Variants in NFYB observed in about 807,000 individuals in gnomAD.
NFYB encodes CAAT box DNA-binding protein subunit B.
Under a neutral mutation model 28.0 loss-of-function variants are expected in NFYB, and 13 were observed. That is an observed-to-expected ratio of 0.46 (90% CI 0.30 to 0.74). NFYB has a LOEUF of 0.74. Among genes scored for constraint, NFYB ranks in the 30% least tolerant of loss-of-function variants. The probability of loss-of-function intolerance (pLI) is 0.07; values close to 1 mark genes in which losing one functional copy is unlikely to be tolerated. For synonymous variants in NFYB, 74 were observed against 75.0 expected, an observed-to-expected ratio of 0.99 and a Z score of 0.07; for missense variants, 142 against 247.6, an observed-to-expected ratio of 0.57 and a Z score of 2.86.
At chr12:104,126,874 G>A (rs75992103) in intron 3 of NFYB, among the ~76,000 whole-genome samples, 2,032 of 152,228 alleles carry the variant, frequency 0.013, 18 homozygotes, top group Non-Finnish European at 0.022. Context: ...AAGTTGTCTT[G>A]TCTGTATAAA....
At chr12:104,132,678 C>T (rs1413141505) in intron 2 of NFYB, among the ~76,000 whole-genome samples, 1 of 152,168 alleles carries the variant, frequency 6.6e-6, no homozygotes, top group Non-Finnish European at 1.5e-5. Flanking sequence ...GCTGGAGAGA[C>T]AGACAGCTGT....
At chr12:104,129,922 T>C (rs2030861018) in intron 2 of NFYB, among the ~76,000 whole-genome samples, 2 of 152,004 alleles carry the variant, frequency 1.3e-5, no homozygotes, top group African/African-American at 4.8e-5. Context: ...ATAGGAAAAT[T>C]ACCTGCACAG....
chr12:104,123,167 C>A, intron 5 of NFYB, 59 bp downstream of exon 5: 21 of 1,331,642 alleles, frequency 1.6e-5, no homozygotes, highest in Non-Finnish European at 2.2e-5. Context: ...CAGAGCGATA[C>A]TCCACCTCAA....
intron 4 of NFYB, among the ~76,000 whole-genome samples, chr12:104,125,801 T>C (rs917190465): frequency 6.8e-6 from 1 of 146,150 alleles, no homozygotes; most frequent in Admixed American, 7.1e-5. Context: ...TGAGCGGAGA[T>C]TGTACCATTG....
intron 5 of NFYB, among the ~76,000 whole-genome samples, chr12:104,122,408 T>C (rs766035487): frequency 6.6e-5 from 10 of 152,148 alleles, no homozygotes; most frequent in Non-Finnish European, 1.3e-4. Context: ...GTAATATAAG[T>C]CAGTGATCCC....
At chr12:104,129,306 A>G (rs1385708300) in intron 2 of NFYB, among the ~76,000 whole-genome samples, 1 of 150,204 alleles carries the variant, frequency 6.7e-6, no homozygotes, top group Non-Finnish European at 1.5e-5. Context: ...CTGTCTCTTA[A>G]AAAAAAAAAT....
chr12:104,135,653 T>C (rs1303077811), intron 1 of NFYB, 121 bp from the exon 2 acceptor site: 5 of 422,818 alleles, frequency 1.2e-5, no homozygotes, highest in Non-Finnish European at 2.1e-5. Context: ...TTGACTACTA[T>C]TCTTAATCAA....
chr12:104,133,558 T>G (rs942947840), intron 2 of NFYB, among the ~76,000 whole-genome samples: 1 of 152,202 alleles, frequency 6.6e-6, no homozygotes, highest in African/African-American at 2.4e-5. Flanking sequence ...TAAAGTGATG[T>G]TGCTATGAGG....
intron 3 of NFYB, among the ~76,000 whole-genome samples, chr12:104,128,047 T>C (rs1221743188): frequency 6.6e-6 from 1 of 152,106 alleles, no homozygotes; most frequent in African/African-American, 2.4e-5. Flanking sequence ...CAAAAATAAA[T>C]CATAAGTGCA....
At chr12:104,132,465 A>T (rs1456991352) in intron 2 of NFYB, among the ~76,000 whole-genome samples, 2 of 152,132 alleles carry the variant, frequency 1.3e-5, no homozygotes, top group African/African-American at 4.8e-5. Context: ...GGGAGCACAA[A>T]TAGGCACAGA....
At chr12:104,129,975 T>G (rs764956239) in intron 2 of NFYB, among the ~76,000 whole-genome samples, 3 of 152,242 alleles carry the variant, frequency 2.0e-5, no homozygotes, top group Admixed American at 6.5e-5. Context: ...AAAAGCCTGC[T>G]TAATTAATTT....
rs2030359728 is a variant in NFYB, at chr12:104,118,838, A to G, written c.*899T>C. On this transcript the variant is annotated 3_prime_UTR_variant, in exon 8 of 8. Transcript: ENST00000240055. ...GTGTAACAGGAAACTTGACATTTCA[A>G]TTAAAAAGGTAAAATGAAGACATTT... is the stretch of plus-strand genomic sequence containing the variant. 6.6e-6 allele frequency: 1 copy of G among 152,214 alleles called. No homozygotes were observed. The highest frequency in any genetic ancestry group is 6.5e-5 in the Admixed American group (1 of 15,288). The allele number at this position is 152,214 out of a possible 1,614,324, so 9.4% of individuals were successfully genotyped here.
chr12:104,125,599 A>C (rs1256728541), intron 4 of NFYB, among the ~76,000 whole-genome samples: 1 of 152,130 alleles, frequency 6.6e-6, no homozygotes, highest in Non-Finnish European at 1.5e-5. Flanking sequence ...CTATAATCCC[A>C]GCACTTTGGT....
intron 4 of NFYB, among the ~76,000 whole-genome samples, chr12:104,125,794 G>A (rs1409668481): frequency 6.8e-6 from 1 of 147,818 alleles, no homozygotes; most frequent in Non-Finnish European, 1.5e-5. Flanking sequence ...GTTGCAGTGA[G>A]CGGAGATTGT....
intron 3 of NFYB, 57 bp downstream of exon 3, chr12:104,128,367 G>T: frequency 8.0e-7 from 1 of 1,244,952 alleles, no homozygotes; most frequent in Non-Finnish European, 1.2e-6. Flanking sequence ...TTAATGAAAT[G>T]TCCACTTTCT....
chr12:104,128,484 G>C lies in NFYB; in HGVS notation c.40C>G (p.Gln14Glu). 6.2e-7 allele frequency: 1 copy of C among 1,612,878 alleles called. No individual in the cohort carries two copies. The highest frequency in any genetic ancestry group is 8.5e-7 in the Non-Finnish European group (1 of 1,179,274). ...DGDSSTTDAS[Q>E]LGISADYIGG... ...ATATAGTCTGCAGAGATTCCTAGTT[G>C]AGAAGCATCTGTTGTAGAACTGTCA... Residue 14 changes from glutamine (Q) to glutamate (E), a missense_variant, in exon 3 of 8, where the codon CAA becomes GAA. By Grantham distance (29) the Gln-to-Glu change is conservative. Coordinates refer to ENST00000240055, the MANE Select transcript of NFYB (RefSeq NM_006166.4).
intron 6 of NFYB, 106 bp from the exon 7 acceptor site, chr12:104,120,585 T>A: frequency 1.3e-6 from 1 of 766,488 alleles, no homozygotes; most frequent in Non-Finnish European, 2.2e-6. Flanking sequence ...CTGCCCGGTA[T>A]CAATGATGTA....
At chr12:104,119,885 C>T (rs1336029574) in intron 7 of NFYB, 116 bp from the exon 8 acceptor site, 2 of 650,100 alleles carry the variant, frequency 3.1e-6, no homozygotes, top group African/African-American at 3.6e-5. Flanking sequence ...ATTCCCATTT[C>T]TTGTGTATCT....
rs190123087 is a variant in NFYB at position 104,121,036 on chromosome 12, A to G, written c.511+204T>C. On this transcript the variant is annotated intron_variant, in intron 6 of 7. Coordinates refer to ENST00000240055, the MANE Select transcript of NFYB (RefSeq NM_006166.4). ...GCTACAGAACTCAGTCAGAACTATC[A>G]GTGAAAGGTTATAATGTCTACAGAA... 2.7e-3 allele frequency among the ~76,000 whole-genome samples: 417 copies of G among 152,344 alleles called. 1 individual carries two copies. The highest frequency in any genetic ancestry group is 9.5e-3 in the South Asian group (46 of 4,832).
Sources: allele counts gnomAD v4.1 joint callset (sites outside exome capture counted in the v4.1 genomes callset), GRCh38; gene constraint gnomAD v4.1.1; transcripts MANE v1.5; gene names NCBI Gene and HGNC (gene_info 2026-07-23, HGNC 2026-07-21).